The following SYN3 variants were observed in gnomAD, a reference collection of about 807,000 sequenced individuals.
SYN3 encodes synapsin-3.
A neutral mutation model predicts 65.8 loss-of-function variants in SYN3; 35 were observed. The ratio of observed to expected loss-of-function variants is 0.53; its 90% CI spans 0.41 to 0.70. SYN3 has a LOEUF of 0.70. SYN3 is among the 30% of genes least tolerant of loss of function. The pLI, the probability that SYN3 is intolerant of heterozygous loss-of-function variation, is 0.00. For missense variants in SYN3, 680 were observed against 749.0 expected (o/e 0.91, Z 1.08); for synonymous variants, 270 against 292.9 (o/e 0.92, Z 0.80).
chr22:32,645,220 G>A (rs1320128077), intron 6 of SYN3, among the ~76,000 whole-genome samples: 1 of 152,196 alleles, frequency 6.6e-6, no homozygotes, highest in Non-Finnish European at 1.5e-5. Flanking sequence ...TAAGGGCCGA[G>A]GAGGGCAGAT....
At chr22:32,844,056 G>C (rs1209201674) in intron 6 of SYN3, among the ~76,000 whole-genome samples, 1 of 152,150 alleles carries the variant, frequency 6.6e-6, no homozygotes, top group African/African-American at 2.4e-5. Flanking sequence ...GGACTCCTAA[G>C]TTAGTATACA....
chr22:32,601,240 C>T (rs2059277250), intron 6 of SYN3, among the ~76,000 whole-genome samples: 1 of 151,806 alleles, frequency 6.6e-6, no homozygotes, highest in Non-Finnish European at 1.5e-5. Flanking sequence ...AATGGATTTT[C>T]CTGATACTAG....
intron 6 of SYN3, among the ~76,000 whole-genome samples, chr22:32,655,024 A>G (rs2060123095): frequency 1.3e-5 from 2 of 152,154 alleles, no homozygotes; most frequent in Non-Finnish European, 2.9e-5. Context: ...AAATCACATG[A>G]CCTGGGCTCA....
chr22:32,909,620 G>GCCCCCCCCC (rs1000773836), intron 4 of SYN3, among the ~76,000 whole-genome samples: 2 of 73,568 alleles, frequency 2.7e-5, no homozygotes, highest in Non-Finnish European at 5.6e-5. Context: ...TGCCACCCCC[G>GCCCCCCCCC]CCCCCCCACC....
chr22:32,962,560 G>A (rs2051689081), intron 3 of SYN3, among the ~76,000 whole-genome samples: 1 of 152,214 alleles, frequency 6.6e-6, no homozygotes, highest in Admixed American at 6.5e-5. Flanking sequence ...TCTCAGGAAT[G>A]AGGCGGCGAG....
intron 6 of SYN3, among the ~76,000 whole-genome samples, chr22:32,819,681 G>A (rs2047182041): frequency 6.6e-6 from 1 of 152,124 alleles, no homozygotes; most frequent in Non-Finnish European, 1.5e-5. Flanking sequence ...TCAAGGACCT[G>A]GAGTAAGCAC....
chr22:32,797,696 G>A (rs1191798335), intron 6 of SYN3, among the ~76,000 whole-genome samples: 2 of 152,176 alleles, frequency 1.3e-5, no homozygotes, highest in African/African-American at 4.8e-5. Context: ...ATTCTTGGGG[G>A]AGGTAGCAAT....
At chr22:32,687,699 T>C (rs2060609858) in intron 6 of SYN3, among the ~76,000 whole-genome samples, 1 of 151,958 alleles carries the variant, frequency 6.6e-6, no homozygotes, top group Non-Finnish European at 1.5e-5. Context: ...CCCCTTACTA[T>C]AGTCTTTCAA....
intron 6 of SYN3, among the ~76,000 whole-genome samples, chr22:32,751,085 G>A (rs2045108471): frequency 6.6e-6 from 1 of 152,038 alleles, no homozygotes; most frequent in Non-Finnish European, 1.5e-5. Flanking sequence ...CAGGAGCCCT[G>A]AGCCCAGCCC....
At chr22:32,553,207 A>G (rs1788228237) in intron 7 of SYN3, among the ~76,000 whole-genome samples, 1 of 152,240 alleles carries the variant, frequency 6.6e-6, no homozygotes, top group Non-Finnish European at 1.5e-5. Context: ...TATGGGCTTT[A>G]CCGGGGACAC....
intron 7 of SYN3, among the ~76,000 whole-genome samples, chr22:32,578,563 T>C (rs1388826534): frequency 6.6e-6 from 1 of 152,212 alleles, no homozygotes; most frequent in Non-Finnish European, 1.5e-5. Context: ...CCAATATTTT[T>C]CAAACTGTGA....
At chr22:32,594,493 C>CTT (rs11330231) in intron 7 of SYN3, among the ~76,000 whole-genome samples, 7 of 145,864 alleles carry the variant, frequency 4.8e-5, no homozygotes, top group Non-Finnish European at 9.1e-5. Context: ...TTTTTCTTTT[C>CTT]TTTTTTTTTT....
chr22:32,973,367 AC>A (rs1205377250), intron 3 of SYN3, among the ~76,000 whole-genome samples: 1 of 152,166 alleles, frequency 6.6e-6, no homozygotes, highest in Non-Finnish European at 1.5e-5. Context: ...TTCACCACAT[AC>A]CACTGTGTAG....
intron 6 of SYN3, among the ~76,000 whole-genome samples, chr22:32,638,493 T>G (rs1282875660): frequency 6.6e-6 from 1 of 152,244 alleles, no homozygotes; most frequent in African/African-American, 2.4e-5. Context: ...GACTTTTTGA[T>G]AACAGCCATT....
At chr22:32,969,849 A>G (rs2051964388) in intron 3 of SYN3, among the ~76,000 whole-genome samples, 1 of 152,208 alleles carries the variant, frequency 6.6e-6, no homozygotes. Context: ...ATCTACTATC[A>G]AAGAGACGTT....
At chr22:32,564,852 T>C (rs35334675) in intron 7 of SYN3, among the ~76,000 whole-genome samples, 30,634 of 146,046 alleles carry the variant, frequency 0.21, 3,457 homozygotes, top group East Asian at 0.39. Context: ...ACCCAAACAG[T>C]GCTCCCGGAC....
At chr22:32,802,231 C>G in intron 6 of SYN3, 3 of 1,454,418 alleles carry the variant, frequency 2.1e-6, no homozygotes, top group Non-Finnish European at 1.8e-6. Flanking sequence ...AGGAGAGGGG[C>G]AGACGGGGTT....
chr22:32,898,704 T>G (rs2049669276), intron 4 of SYN3, among the ~76,000 whole-genome samples: 1 of 152,132 alleles, frequency 6.6e-6, no homozygotes, highest in East Asian at 1.9e-4. Context: ...GAGGGAGGAA[T>G]TTGGACCATT....
intron 2 of SYN3, among the ~76,000 whole-genome samples, chr22:32,993,595 T>C (rs745387687): frequency 1.0e-3 from 154 of 152,308 alleles, no homozygotes; most frequent in Non-Finnish European, 1.8e-3. Context: ...TCACCCGCCT[T>C]GGCCTCCCAA....
Sources: gnomAD v4.1 joint callset for allele counts (sites outside exome capture counted in the v4.1 genomes callset) on GRCh38, gnomAD v4.1.1 for gene constraint, MANE v1.5 for transcripts, NCBI Gene and HGNC (gene_info 2026-07-23, HGNC 2026-07-21) for gene names.